Variants in KDM4C observed in about 807,000 individuals in gnomAD.
The protein encoded by KDM4C is lysine demethylase 4C.
Under a neutral mutation model 129.3 loss-of-function variants are expected in KDM4C, and 81 were observed. The ratio of observed to expected loss-of-function variants is 0.63; its 90% CI spans 0.52 to 0.75. The LOEUF (loss-of-function observed/expected upper bound fraction) is 0.75, where lower values mean the gene tolerates loss of function less well. Ranked by LOEUF, KDM4C falls within the 30% of genes least tolerant of loss-of-function variation. The pLI is 0.00. For synonymous variants in KDM4C, 573 were observed against 456.1 expected, an observed-to-expected ratio of 1.26 and a Z score of -3.26; for missense variants, 1,457 against 1,304.0, an observed-to-expected ratio of 1.12 and a Z score of -1.81.
intron 18 of KDM4C, among the ~76,000 whole-genome samples, chr9:7,126,852 TA>T (rs201328366): frequency 1.4e-4 from 20 of 146,446 alleles, no homozygotes; most frequent in East Asian, 4.0e-4. Context: ...GAACTGCTGT[TA>T]AAAAAAAAAG....
At chr9:6,972,038 T>C (rs1376022566) in intron 8 of KDM4C, among the ~76,000 whole-genome samples, 2 of 151,974 alleles carry the variant, frequency 1.3e-5, no homozygotes, top group Non-Finnish European at 2.9e-5. Context: ...TGAAAACAAC[T>C]GAGAACTAAA....
intron 18 of KDM4C, among the ~76,000 whole-genome samples, chr9:7,105,008 C>A (rs1359851363): frequency 6.6e-6 from 1 of 151,956 alleles, no homozygotes; most frequent in Admixed American, 6.6e-5. Flanking sequence ...TTTTATTTGT[C>A]TTATTTTTTC....
intron 12 of KDM4C, among the ~76,000 whole-genome samples, chr9:7,002,769 C>T (rs1186941400): frequency 6.6e-6 from 1 of 152,188 alleles, no homozygotes; most frequent in African/African-American, 2.4e-5. Flanking sequence ...AATCGAAGCT[C>T]ATAGACATGA....
intron 4 of KDM4C, among the ~76,000 whole-genome samples, chr9:6,846,727 T>C (rs1356544842): frequency 2.0e-5 from 3 of 152,240 alleles, no homozygotes; most frequent in Admixed American, 6.5e-5. Flanking sequence ...AAACACATTT[T>C]ATTAAATAAT....
upstream of KDM4C, chr9:6,757,702 C>T: frequency 1.0e-6 from 1 of 985,530 alleles, no homozygotes; most frequent in Non-Finnish European, 1.2e-6. Flanking sequence ...CAGGTCCAGC[C>T]CTGCGGGACC....
chr9:6,780,950 T>TC (rs1824209976), intron 1 of KDM4C, among the ~76,000 whole-genome samples: 1 of 152,112 alleles, frequency 6.6e-6, no homozygotes, highest in Admixed American at 6.6e-5. Flanking sequence ...TCATCTTTCT[T>TC]GGGGCCTTGC....
chr9:6,769,398 T>A (rs200942298), intron 1 of KDM4C, among the ~76,000 whole-genome samples: 1 of 152,118 alleles, frequency 6.6e-6, no homozygotes. Flanking sequence ...AAGAGGTCAG[T>A]TATATTTGGG....
chr9:6,807,055 C>T (rs1263509006), intron 3 of KDM4C, among the ~76,000 whole-genome samples: 2 of 152,092 alleles, frequency 1.3e-5, no homozygotes, highest in African/African-American at 4.8e-5. Context: ...CGCGCCGCCA[C>T]GCCTGACTGG....
chr9:6,854,027 A>AAAG, intron 5 of KDM4C, among the ~76,000 whole-genome samples: 1 of 152,310 alleles, frequency 6.6e-6, no homozygotes, highest in South Asian at 2.1e-4. Flanking sequence ...TAACCATGAA[A>AAAG]ATAATTTTTT....
chr9:7,048,665 A>G (rs766505100), intron 16 of KDM4C, among the ~76,000 whole-genome samples: 1 of 152,200 alleles, frequency 6.6e-6, no homozygotes, highest in Middle Eastern at 3.4e-3. Context: ...TGACATTTGT[A>G]TTATTTTAAA....
intron 5 of KDM4C, among the ~76,000 whole-genome samples, chr9:6,872,453 A>G (rs1842929587): frequency 6.6e-6 from 1 of 152,176 alleles, no homozygotes; most frequent in Non-Finnish European, 1.5e-5. Context: ...TTATCTGTCT[A>G]ATATTAATAG....
At chr9:6,889,722 C>T (rs992080281) in intron 7 of KDM4C, among the ~76,000 whole-genome samples, 1 of 152,200 alleles carries the variant, frequency 6.6e-6, no homozygotes. Flanking sequence ...AACAGTATCC[C>T]CAAGACACAA....
chr9:7,063,620 G>T (rs1832018826), intron 17 of KDM4C, among the ~76,000 whole-genome samples: 1 of 152,218 alleles, frequency 6.6e-6, no homozygotes, highest in Non-Finnish European at 1.5e-5. Flanking sequence ...GGAAGTTATT[G>T]AAATTTAAAC....
intron 5 of KDM4C, among the ~76,000 whole-genome samples, chr9:6,869,533 A>G (rs1015951870): frequency 2.0e-5 from 3 of 152,226 alleles, no homozygotes; most frequent in African/African-American, 7.2e-5. Flanking sequence ...TACTGCTCAC[A>G]GTGGGGGAGG....
At chr9:7,041,405 T>G (rs551263530) in intron 15 of KDM4C, among the ~76,000 whole-genome samples, 2 of 152,146 alleles carry the variant, frequency 1.3e-5, no homozygotes, top group Admixed American at 6.5e-5. Flanking sequence ...CCAATCTCCC[T>G]TGGATACTGA....
Position 7,049,196 on chromosome 9 carries a change from A to C in KDM4C, c.2420A>C (p.Lys807Thr). 6.4e-7 allele frequency: 1 copy of C among 1,559,574 alleles called. No homozygotes were observed. The highest frequency in any genetic ancestry group is 8.8e-7 in the Non-Finnish European group (1 of 1,134,922). ...GGCAGAATACCTTTACAGAGGTTAAAATTGGTGAGTGGCAAAGCTTCTTTT... is the reference window on the plus strand; with the variant it reads ...GGCAGAATACCTTTACAGAGGTTAACATTGGTGAGTGGCAAAGCTTCTTTT... The part of the protein sequence containing the change: ...DVGRIPLQRL[K>T]LKCIFCRHRV... Residue 807 changes from lysine (K) to threonine (T), a missense_variant, in exon 17 of 22, where the codon AAA becomes ACA. By Grantham distance (78) the Lys-to-Thr change is moderately conservative (BLOSUM62 -1). Coordinates refer to ENST00000381309, the MANE Select transcript of KDM4C (RefSeq NM_015061.6).
At position 6,748,819 on chromosome 9, in the gene KDM4C, T is replaced by C. The variant is rs779254892; in HGVS notation, c.49+27822T>C. 38 of 1,293,462 alleles carry C rather than the reference T, an allele frequency of 2.9e-5. No homozygotes were observed. The South Asian group carries it at 4.3e-4, about 15-fold the overall frequency. 80.1% of individuals were successfully genotyped at this position (1,293,462 alleles called of 1,614,324 possible). ...TCTTCTGCATCATCTAATACAAGGT[T>C]CATATACTCATCAAAACCAATGATA... On this transcript the variant is annotated intron_variant, in intron 1 of 17. Transcript: ENST00000536108.
upstream of KDM4C, chr9:6,757,549 A>G: frequency 9.5e-6 from 8 of 840,298 alleles, no homozygotes; most frequent in Non-Finnish European, 1.1e-5. Context: ...ATCGCCGGAG[A>G]GCTGCGAGCC....
chr9:6,759,663 G>T (rs936732267), intron 1 of KDM4C, among the ~76,000 whole-genome samples: 1 of 152,060 alleles, frequency 6.6e-6, no homozygotes, highest in Non-Finnish European at 1.5e-5. Flanking sequence ...TTCTAAAGTT[G>T]AAAATCAGAC....
Sources: gnomAD v4.1 joint callset for allele counts (sites outside exome capture counted in the v4.1 genomes callset) on GRCh38, gnomAD v4.1.1 for gene constraint, MANE v1.5 for transcripts, NCBI Gene and HGNC (gene_info 2026-07-23, HGNC 2026-07-21) for gene names.